Variants in LRBA observed in about 807,000 individuals in gnomAD.
LRBA encodes lipopolysaccharide-responsive and beige-like anchor protein.
LRBA carries 176 observed loss-of-function variants against 330.0 expected under a neutral mutation model. The ratio of observed to expected loss-of-function variants is 0.53; its 90% CI spans 0.47 to 0.60. The LOEUF is 0.60. Among genes scored for constraint, LRBA ranks in the 20% least tolerant of loss-of-function variants. LRBA has a pLI of 0.00. For synonymous variants in LRBA, 1,230 were observed against 1,193.0 expected (o/e 1.03, Z -0.64); for missense variants, 3,259 against 3,444.8 (o/e 0.95, Z 1.35).
At chr4:150,578,662 T>A (rs1770840298) in intron 40 of LRBA, among the ~76,000 whole-genome samples, 1 of 152,238 alleles carries the variant, frequency 6.6e-6, no homozygotes. Context: ...ACTAAAGTTT[T>A]AAACATCCTC....
chr4:150,733,661 T>C (rs144890509), intron 36 of LRBA, among the ~76,000 whole-genome samples: 41 of 152,160 alleles, frequency 2.7e-4, no homozygotes, highest in African/African-American at 9.6e-4. Flanking sequence ...TTATTTGCTT[T>C]AATAAAATTT....
chr4:150,882,173 A>G (rs1728471050), intron 17 of LRBA, among the ~76,000 whole-genome samples: 1 of 152,224 alleles, frequency 6.6e-6, no homozygotes. Flanking sequence ...ATTAGGATTA[A>G]TAACACAAGA....
At chr4:150,860,404 A>C (rs548547828) in intron 22 of LRBA, among the ~76,000 whole-genome samples, 14 of 152,352 alleles carry the variant, frequency 9.2e-5, no homozygotes, top group African/African-American at 3.4e-4. Context: ...ATCCCATCTT[A>C]TAAATGAATA....
rs764937275 is a variant in LRBA, at chr4:150,583,415, G to A, written c.6330+4633C>T. 9 of 1,613,870 alleles carry A rather than the reference G, an allele frequency of 5.6e-6. No individual in the cohort carries two copies. Among genetic ancestry groups the A allele is most frequent in the Non-Finnish European group, 7.6e-6 (9 of 1,180,026 alleles). On this transcript the variant is annotated intron_variant, in intron 40 of 56. Transcript: ENST00000651943. The surrounding 1 kb of genome is among the most constrained non-coding windows in gnomAD (Gnocchi z 9.8). ...GGCTATCTCTCAGCGCGTAAGATCC[G>A]CTCGCGTTTCCAGACGCTGGTGGCC...
chr4:150,770,940 T>G (rs962756396), intron 34 of LRBA, among the ~76,000 whole-genome samples: 1 of 152,176 alleles, frequency 6.6e-6, no homozygotes, highest in Non-Finnish European at 1.5e-5. Context: ...TTACTTTTAT[T>G]GTGGTATAGT....
intron 52 of LRBA, among the ~76,000 whole-genome samples, chr4:150,306,546 T>C (rs983396533): frequency 6.6e-6 from 1 of 152,178 alleles, no homozygotes; most frequent in Admixed American, 6.5e-5. Flanking sequence ...ACAACTTTTC[T>C]GGTAAGTATA....
At chr4:150,403,749 C>T (rs898564653) in intron 47 of LRBA, among the ~76,000 whole-genome samples, 5 of 152,124 alleles carry the variant, frequency 3.3e-5, no homozygotes, top group Non-Finnish European at 5.9e-5. Context: ...TGGCTGGGCA[C>T]GGTGGCTCAC....
At chr4:151,007,343 A>T (rs896245776) in intron 2 of LRBA, among the ~76,000 whole-genome samples, 2 of 151,586 alleles carry the variant, frequency 1.3e-5, no homozygotes, top group Admixed American at 1.3e-4. Context: ...CTACTAAAAA[A>T]TACAAAATAA....
At chr4:150,993,646 G>C (rs1742336282) in intron 2 of LRBA, among the ~76,000 whole-genome samples, 1 of 152,222 alleles carries the variant, frequency 6.6e-6, no homozygotes, top group African/African-American at 2.4e-5. Context: ...CAGGATCATG[G>C]AGGGAAGCAA....
chr4:150,310,108 C>A, intron 52 of LRBA, 121 bp downstream of exon 52: 1 of 640,840 alleles, frequency 1.6e-6, no homozygotes, highest in Non-Finnish European at 2.7e-6. Flanking sequence ...CCCTCTTCTC[C>A]CTATTTTGTA....
At chr4:150,323,025 G>GTGTGTGTGTGTGTGTGTGTGGT (rs373782725) in intron 49 of LRBA, among the ~76,000 whole-genome samples, 2 of 142,544 alleles carry the variant, frequency 1.4e-5, no homozygotes, top group Non-Finnish European at 3.0e-5. Context: ...GTGTGTGTGT[G>GTGTGTGTGTGTGTGTGTGTGGT]GGGATGCATT....
At chr4:150,721,390 A>G in intron 36 of LRBA, 2 of 294,586 alleles carry the variant, frequency 6.8e-6, no homozygotes, top group Non-Finnish European at 1.3e-5. Context: ...AATCACCCTC[A>G]GGGAACCGAA....
In LRBA at chr4:150,516,217, C is replaced by CTTTTTTT. The variant is rs869205771; in HGVS notation, c.6331-25189_6331-25183dup. Among the ~76,000 whole-genome samples the CTTTTTTT allele has an allele frequency of 1.0e-3, 30 of 29,450 alleles. 3 individuals carry two copies. Among genetic ancestry groups the CTTTTTTT allele is most frequent in the East Asian group, 2.6e-3 (3 of 1,154 alleles). 19.3% of individuals were successfully genotyped at this position (29,450 alleles called of 152,430 possible). On this transcript the variant is annotated intron_variant, in intron 40 of 56. Coordinates refer to ENST00000651943, the MANE Select transcript of LRBA (RefSeq NM_001364905.1). ...AATTCAGTCTGACATTTTCTATTCT[C>CTTTTTTT]TTTTTTTTTTTTTTTTTTTTTTTTT...
At position 150,264,966 on chromosome 4, in the gene LRBA, G is replaced by C. The variant is rs1271069253; in HGVS notation, c.*756C>G. The C allele has an allele frequency of 2.6e-5, 4 of 152,672 alleles. No individual in the cohort carries two copies. The highest frequency in any genetic ancestry group is 5.9e-5 in the Non-Finnish European group (4 of 68,052). 9.5% of individuals were successfully genotyped at this position (152,672 alleles called of 1,614,324 possible). On this transcript the variant is annotated 3_prime_UTR_variant, in exon 57 of 57. Coordinates refer to ENST00000651943, the MANE Select transcript of LRBA (RefSeq NM_001364905.1). Reference sequence around the variant, plus strand: ...GTCCAGGCACAGGCAAACCGCAGTAGTGAGCTTTGGTACTTGCATTTACTT... The same window carrying C: ...GTCCAGGCACAGGCAAACCGCAGTACTGAGCTTTGGTACTTGCATTTACTT...
At chr4:150,304,012 C>G (rs757054623) in intron 52 of LRBA, among the ~76,000 whole-genome samples, 40 of 152,214 alleles carry the variant, frequency 2.6e-4, no homozygotes, top group Non-Finnish European at 4.4e-4. Context: ...TTTGAAATGT[C>G]TACAGAGTCT....
intron 48 of LRBA, among the ~76,000 whole-genome samples, chr4:150,331,045 G>A (rs1364863847): frequency 6.6e-6 from 1 of 152,114 alleles, no homozygotes; most frequent in Non-Finnish European, 1.5e-5. Flanking sequence ...TCTGAAAGAT[G>A]TCACTAAAGG....
rs746278403 is a variant in LRBA, at chr4:150,852,662, A to G, written c.3048T>C (p.Tyr1016=). ...NIELQTTNTS[Y]EEMKAEQENQ... ...TTTCTTGCTCAGCTTTCATTTCTTC[A>G]TAAGATGTATTAGTAGTTTGCAGTT... The change falls in exon 23 of 57, where the codon TAT becomes TAC. Residue 1016 remains tyrosine (Y), a synonymous_variant. Transcript: ENST00000651943. 1.9e-6 allele frequency: 3 copies of G among 1,614,092 alleles called. No homozygotes were observed. The highest frequency in any genetic ancestry group is 4.5e-5 in the East Asian group (2 of 44,864).
At chr4:150,766,882 T>G (rs915463632) in intron 34 of LRBA, among the ~76,000 whole-genome samples, 3 of 152,162 alleles carry the variant, frequency 2.0e-5, no homozygotes, top group African/African-American at 7.2e-5. Context: ...GTCAATAATT[T>G]CATACCTGTT....
chr4:150,343,941 C>T (rs1178141996), intron 48 of LRBA, among the ~76,000 whole-genome samples: 1 of 152,138 alleles, frequency 6.6e-6, no homozygotes. Flanking sequence ...TACACAAGTC[C>T]CCATGCTATC....
Sources: gnomAD v4.1 joint callset for allele counts (sites outside exome capture counted in the v4.1 genomes callset) on GRCh38, gnomAD v4.1.1 for gene constraint, Gnocchi (gnomAD v3.1) non-coding constraint, MANE v1.5 for transcripts, NCBI Gene and HGNC (gene_info 2026-07-23, HGNC 2026-07-21) for gene names.